The following GPR119 variants were observed in gnomAD, a reference collection of about 807,000 sequenced individuals.
GPR119 encodes the protein G protein-coupled receptor 119.
A neutral mutation model predicts 13.3 loss-of-function variants in GPR119; 7 were observed. The observed-to-expected ratio is 0.53, with a 90% CI of 0.30 to 0.99. GPR119 has a LOEUF of 0.99. Ranked by LOEUF, GPR119 falls within the 50% of genes least tolerant of loss-of-function variation. The probability of loss-of-function intolerance (pLI) is 0.06; values close to 1 mark genes in which losing one functional copy is unlikely to be tolerated. For missense variants in GPR119, 197 were observed against 263.0 expected (o/e 0.75, Z 1.74); for synonymous variants, 107 against 112.5 (o/e 0.95, Z 0.31).
At position 130,384,843 on chromosome X, in the gene GPR119, A is replaced by G. The variant is rs753626057; in HGVS notation, c.605T>C (p.Met202Thr). 8.3e-7 allele frequency: 1 copy of G among 1,211,876 alleles called. No homozygotes were observed. Among genetic ancestry groups the G allele is most frequent in the Non-Finnish European group, 1.1e-6 (1 of 895,530 alleles). Residue 202 changes from methionine (M) to threonine (T), a missense_variant, in exon 1 of 2, where the codon ATG becomes ACG. Met to Thr is a moderately conservative substitution (Grantham distance 81). Transcript: ENST00000682440. ...ASMHSQQIRKMEHAGAMAGGY... is the reference protein window; with the variant it reads ...ASMHSQQIRKTEHAGAMAGGY... Reference sequence around the variant, plus strand: ...TCCAGCCATGGCTCCTGCATGTTCCATCTTTCGAATCTGCTGGCTGTGCAT... The same window carrying G: ...TCCAGCCATGGCTCCTGCATGTTCCGTCTTTCGAATCTGCTGGCTGTGCAT...
intron 1 of GPR119, among the ~76,000 whole-genome samples, chrX:130,384,185 T>C (rs988006593): frequency 8.9e-6 from 1 of 112,324 alleles, no homozygotes; most frequent in Non-Finnish European, 1.9e-5. Flanking sequence ...TTTAAGTAAG[T>C]GTACCTGTAC....
In GPR119 at chrX:130,385,492, C is replaced by G; in HGVS notation, c.-45G>C. 1.7e-6 allele frequency: 2 copies of G among 1,154,619 alleles called. No homozygotes were observed. The highest frequency in any genetic ancestry group is 1.9e-5 in the South Asian group (1 of 51,520). ...TCACTTACCAGGGCATGCTATCTCT[C>G]CAGCTGAAATTCTCATGGGCCAGGG... On this transcript the variant is annotated 5_prime_UTR_variant, in exon 1 of 2. Coordinates refer to ENST00000682440, the MANE Select transcript of GPR119 (RefSeq NM_178471.3).
chrX:130,385,578 T>C lies in GPR119; in HGVS notation c.-131A>G. On this transcript the variant is annotated 5_prime_UTR_variant, in exon 1 of 2. Coordinates refer to ENST00000682440, the MANE Select transcript of GPR119 (RefSeq NM_178471.3). ...TCTGGCCTTCGCTGGCAGTCCAGGCTGGCAGGTCGCCATCTTTGGGATCCT... is the reference window on the plus strand; with the variant it reads ...TCTGGCCTTCGCTGGCAGTCCAGGCCGGCAGGTCGCCATCTTTGGGATCCT... 1.6e-6 allele frequency: 1 copy of C among 615,302 alleles called. No homozygotes were observed. Among genetic ancestry groups the C allele is most frequent in the Non-Finnish European group, 2.6e-6 (1 of 388,274 alleles). The allele number at this position is 615,302 out of a possible 1,213,427, so 50.7% of individuals were successfully genotyped here.
Position 130,381,441 on chromosome X carries a change from G to A in GPR119, c.*1115C>T, listed in dbSNP as rs939550051. Among the ~76,000 whole-genome samples, 2 of 111,926 alleles carry A rather than the reference G, an allele frequency of 1.8e-5. No individual in the cohort carries two copies. Among genetic ancestry groups the A allele is most frequent in the African/African-American group, 6.5e-5 (2 of 30,769 alleles). On this transcript the variant is annotated 3_prime_UTR_variant, in exon 2 of 2. Coordinates refer to ENST00000682440, the MANE Select transcript of GPR119 (RefSeq NM_178471.3). ...TGGGATTACAGGCGTGAGCCACCAT[G>A]CCTGGCCAAACACAGTGTTTTTAAT...
chrX:130,379,759 T>C lies in GPR119; in HGVS notation c.*2797A>G, dbSNP rs2034351349. Among the ~76,000 whole-genome samples the C allele has an allele frequency of 8.9e-6, 1 of 112,473 alleles. No individual in the cohort carries two copies. Among genetic ancestry groups the C allele is most frequent in the Admixed American group, 9.4e-5 (1 of 10,588 alleles). On this transcript the variant is annotated 3_prime_UTR_variant, in exon 2 of 2. Coordinates refer to ENST00000682440, the MANE Select transcript of GPR119 (RefSeq NM_178471.3). ...GAGAATAACAGTGGTCATCTCTGGATAGTATAATTATGGGTACTTTGTGAT... is the reference window on the plus strand; with the variant it reads ...GAGAATAACAGTGGTCATCTCTGGACAGTATAATTATGGGTACTTTGTGAT...
chrX:130,384,956 G>C lies in GPR119; in HGVS notation c.492C>G (p.His164Gln), dbSNP rs200020288. ...QCSFFAVFHP[H>Q]FVLTLSCVGF... ...CAACGCAGGAGAGGGTCAGCACGAA[G>C]TGAGGGTGAAATACAGCAAAGAAGC... The change falls in exon 1 of 2, where the codon CAC becomes CAG. Residue 164 changes from histidine to glutamine, a missense_variant. His to Gln is a conservative substitution (Grantham distance 24). Coordinates refer to ENST00000682440, the MANE Select transcript of GPR119 (RefSeq NM_178471.3). The C allele has an allele frequency of 4.0e-5, 48 of 1,210,616 alleles. No individual in the cohort carries two copies. Among genetic ancestry groups the C allele is most frequent in the Non-Finnish European group, 5.1e-5 (46 of 895,401 alleles).
In GPR119 at chrX:130,381,709, C is replaced by T. The variant is rs1286769456; in HGVS notation, c.*847G>A. Among the ~76,000 whole-genome samples, 1 of 111,836 alleles carries T rather than the reference C, an allele frequency of 8.9e-6. No homozygotes were observed. The highest frequency in any genetic ancestry group is 1.9e-5 in the Non-Finnish European group (1 of 53,216). Reference sequence around the variant, plus strand: ...GGACTCCCTTAAATGGGTCAACTGACTGTTTAGTCCAGGGTGTTTAAAGAA... The same window carrying T: ...GGACTCCCTTAAATGGGTCAACTGATTGTTTAGTCCAGGGTGTTTAAAGAA... On this transcript the variant is annotated 3_prime_UTR_variant, in exon 2 of 2. Transcript: ENST00000682440.
At position 130,384,822 on chromosome X, in the gene GPR119, G is replaced by T. The variant is rs1207008896; in HGVS notation, c.626C>A (p.Ala209Asp). 4 of 1,210,514 alleles carry T rather than the reference G, an allele frequency of 3.3e-6. No homozygotes were observed. Among genetic ancestry groups the T allele is most frequent in the Non-Finnish European group, 4.5e-6 (4 of 895,368 alleles). The change falls in exon 1 of 2, where the codon GCT (alanine) becomes GAT (aspartate). Residue 209 changes from alanine to aspartate, a missense_variant. Coordinates refer to ENST00000682440, the MANE Select transcript of GPR119 (RefSeq NM_178471.3). ...AGTCCGTGGGGATCGATAACCTCCAGCCATGGCTCCTGCATGTTCCATCTT... is the reference window on the plus strand; with the variant it reads ...AGTCCGTGGGGATCGATAACCTCCATCCATGGCTCCTGCATGTTCCATCTT... ...IRKMEHAGAM[A>D]GGYRSPRTPS...
In GPR119 at chrX:130,381,537, T is replaced by C. The variant is rs1233284770; in HGVS notation, c.*1019A>G. Among the ~76,000 whole-genome samples, 1 of 112,068 alleles carries C rather than the reference T, an allele frequency of 8.9e-6. No homozygotes were observed. The highest frequency in any genetic ancestry group is 1.9e-5 in the Non-Finnish European group (1 of 53,274). On this transcript the variant is annotated 3_prime_UTR_variant, in exon 2 of 2. Coordinates refer to ENST00000682440, the MANE Select transcript of GPR119 (RefSeq NM_178471.3). Reference sequence around the variant, plus strand: ...GTTTGTATCCGCTCTGTCTTGATACTGCTAAGGTATTAGATTTATTGTTTG... The same window carrying C: ...GTTTGTATCCGCTCTGTCTTGATACCGCTAAGGTATTAGATTTATTGTTTG...
intron 1 of GPR119, among the ~76,000 whole-genome samples, chrX:130,383,527 G>C (rs1457283839): frequency 5.3e-5 from 6 of 112,260 alleles, no homozygotes; most frequent in African/African-American, 1.9e-4. Flanking sequence ...GCCATCTTAA[G>C]GGAAGGGGCA....
Position 130,380,530 on chromosome X carries a change from A to G in GPR119, c.*2026T>C, listed in dbSNP as rs2034353940. ...AACCTTTCCTACCTAAGGAATTAAT[A>G]TAAAACTTAGTCATGTTACAATTTT... On this transcript the variant is annotated 3_prime_UTR_variant, in exon 2 of 2. Transcript: ENST00000682440. 8.9e-6 allele frequency among the ~76,000 whole-genome samples: 1 copy of G among 112,716 alleles called. No individual in the cohort carries two copies. The highest frequency in any genetic ancestry group is 9.4e-5 in the Admixed American group (1 of 10,670).
At position 130,382,448 on chromosome X, in the gene GPR119, C is replaced by T. The variant is rs776466065; in HGVS notation, c.*108G>A. ...CATTTCAAGGCATATTGGGTTCCAT[C>T]GTCCACTTGAGAGTCAAAAAGTTCT... is the stretch of plus-strand genomic sequence containing the variant. On this transcript the variant is annotated 3_prime_UTR_variant, in exon 2 of 2. Transcript: ENST00000682440. Among the ~76,000 whole-genome samples, 12 of 111,884 alleles carry T rather than the reference C, an allele frequency of 1.1e-4. No individual in the cohort carries two copies. The highest frequency in any genetic ancestry group is 2.3e-4 in the Non-Finnish European group (12 of 53,265).
At position 130,384,952 on chromosome X, in the gene GPR119, C is replaced by G; in HGVS notation, c.496G>C (p.Val166Leu). The G allele has an allele frequency of 8.3e-7, 1 of 1,211,681 alleles. No individual in the cohort carries two copies. The highest frequency in any genetic ancestry group is 1.1e-6 in the Non-Finnish European group (1 of 895,519). ...SFFAVFHPHFVLTLSCVGFFP... is the reference protein window; with the variant it reads ...SFFAVFHPHFLLTLSCVGFFP... ...AAGCCAACGCAGGAGAGGGTCAGCACGAAGTGAGGGTGAAATACAGCAAAG... is the reference window on the plus strand; with the variant it reads ...AAGCCAACGCAGGAGAGGGTCAGCAGGAAGTGAGGGTGAAATACAGCAAAG... The change falls in exon 1 of 2, where the codon GTG becomes CTG. Residue 166 changes from valine (V) to leucine (L), a missense_variant. Physicochemically the swap from Val to Leu is conservative, Grantham distance 32. Transcript: ENST00000682440.
chrX:130,384,386 G>A, intron 1 of GPR119, 50 bp downstream of exon 1: 1 of 1,111,932 alleles, frequency 9.0e-7, no homozygotes. Context: ...ATCTAGTTGG[G>A]GCTCCAGAGT....
chrX:130,383,678 T>C (rs2034367936), intron 1 of GPR119, among the ~76,000 whole-genome samples: 1 of 112,663 alleles, frequency 8.9e-6, no homozygotes, highest in South Asian at 3.7e-4. Flanking sequence ...GTTTCTACCT[T>C]TTAGGCACAT....
At chrX:130,383,432 CAT>C (rs1229065621) in intron 1 of GPR119, among the ~76,000 whole-genome samples, 2 of 112,000 alleles carry the variant, frequency 1.8e-5, no homozygotes, top group African/African-American at 6.5e-5. Flanking sequence ...TTGGTACCCA[CAT>C]GTTTTCTCTC....
intron 1 of GPR119, among the ~76,000 whole-genome samples, chrX:130,384,118 G>A (rs2034370039): frequency 8.9e-6 from 1 of 112,508 alleles, no homozygotes; most frequent in Non-Finnish European, 1.9e-5. Context: ...TGCTGCTCTG[G>A]TATACTCAAA....
intron 1 of GPR119, among the ~76,000 whole-genome samples, chrX:130,383,552 G>T (rs754137197): frequency 8.9e-6 from 1 of 112,426 alleles, no homozygotes; most frequent in Non-Finnish European, 1.9e-5. Context: ...AGAGTTAAAA[G>T]GTGGTGGATT....
At position 130,380,894 on chromosome X, in the gene GPR119, G is replaced by C. The variant is rs886894584; in HGVS notation, c.*1662C>G. 8.9e-5 allele frequency among the ~76,000 whole-genome samples: 10 copies of C among 112,366 alleles called. No individual in the cohort carries two copies. The highest frequency in any genetic ancestry group is 3.2e-4 in the African/African-American group (10 of 30,928). ...GTTCATGGAAATAATAAATGGGACT[G>C]ATTGGCCTACATTGCATCCTACAAG... On this transcript the variant is annotated 3_prime_UTR_variant, in exon 2 of 2. Coordinates refer to ENST00000682440, the MANE Select transcript of GPR119 (RefSeq NM_178471.3).
Sources: gnomAD v4.1 joint callset for allele counts (sites outside exome capture counted in the v4.1 genomes callset) on GRCh38, gnomAD v4.1.1 for gene constraint, MANE v1.5 for transcripts, NCBI Gene and HGNC (gene_info 2026-07-23, HGNC 2026-07-21) for gene names.